INTS8: variants seen among roughly 807,000 people sequenced by gnomAD.
The protein encoded by INTS8 is integrator complex subunit 8.
INTS8 carries 47 observed loss-of-function variants against 138.9 expected under a neutral mutation model. The ratio of observed to expected loss-of-function variants is 0.34; its 90% CI spans 0.27 to 0.43. The LOEUF (loss-of-function observed/expected upper bound fraction) is 0.43. INTS8 is among the 20% of genes least tolerant of loss of function. The probability of loss-of-function intolerance (pLI) is 1.00; values close to 1 mark genes in which losing one functional copy is unlikely to be tolerated. For missense variants in INTS8, 996 were observed against 1,173.0 expected (o/e 0.85, Z 2.20); for synonymous variants, 392 against 400.9 (o/e 0.98, Z 0.27).
At chr8:94,826,781 C>T (rs188890656) in intron 2 of INTS8, among the ~76,000 whole-genome samples, 8 of 152,230 alleles carry the variant, frequency 5.3e-5, no homozygotes, top group East Asian at 1.9e-4. Flanking sequence ...TTATGTTTTA[C>T]GTTTTTTCAT....
At chr8:94,847,487 G>T (rs1376446067) in intron 10 of INTS8, among the ~76,000 whole-genome samples, 1 of 152,042 alleles carries the variant, frequency 6.6e-6, no homozygotes, top group African/African-American at 2.4e-5. Context: ...TTCAGTGTTG[G>T]GTAGAATTTA....
rs1563647104 is a variant in INTS8 at position 94,838,571 on chromosome 8, A to G, written c.970A>G (p.Thr324Ala). The change falls in exon 8 of 27, where the codon ACT (threonine) becomes GCT (alanine). Residue 324 changes from threonine (T) to alanine (A), a missense_variant. Thr to Ala is a moderately conservative substitution (Grantham distance 58, BLOSUM62 0). Coordinates refer to ENST00000523731, the MANE Select transcript of INTS8 (RefSeq NM_017864.4). ...TTCTGATAGTACATCTCAACAGTTG[A>G]CTCCATATAGTCAAGTCCATATTTG... The part of the protein sequence containing the change: ...PSSDSTSQQL[T>A]PYSQVHICLR... 6.2e-7 allele frequency: 1 copy of G among 1,613,488 alleles called. No homozygotes were observed. The highest frequency in any genetic ancestry group is 8.5e-7 in the Non-Finnish European group (1 of 1,179,562).
chr8:94,877,527 C>G (rs753818124), intron 26 of INTS8, among the ~76,000 whole-genome samples: 1 of 152,068 alleles, frequency 6.6e-6, no homozygotes, highest in Non-Finnish European at 1.5e-5. Context: ...ATTTCCAAAC[C>G]ACTTCTACTT....
At chr8:94,867,385 G>A (rs781726832) in intron 20 of INTS8, 48 bp downstream of exon 20, 1 of 1,421,478 alleles carries the variant, frequency 7.0e-7, no homozygotes, top group Non-Finnish European at 9.9e-7. Context: ...TATGTATTTG[G>A]AAACCATTCT....
chr8:94,847,255 T>G (rs1210619626), intron 10 of INTS8, among the ~76,000 whole-genome samples: 1 of 152,094 alleles, frequency 6.6e-6, no homozygotes. Context: ...TTGGCTGGGC[T>G]GGTTTCAAAC....
intron 8 of INTS8, among the ~76,000 whole-genome samples, chr8:94,840,650 C>G (rs962874659): frequency 6.7e-6 from 1 of 149,928 alleles, no homozygotes; most frequent in Non-Finnish European, 1.5e-5. Flanking sequence ...CTCTGCTGCC[C>G]GGGTCCAAGT....
chr8:94,870,732 AG>A (rs1276694022), intron 20 of INTS8, among the ~76,000 whole-genome samples: 1 of 152,232 alleles, frequency 6.6e-6, no homozygotes, highest in Admixed American at 6.5e-5. Flanking sequence ...CTGGTGAGTT[AG>A]GGTAAACTGT....
At chr8:94,879,961 T>C (rs571686631) in intron 26 of INTS8, 157 bp from the exon 27 acceptor site, 2 of 526,694 alleles carry the variant, frequency 3.8e-6, no homozygotes, top group Middle Eastern at 3.4e-4. Flanking sequence ...AATCTTTATG[T>C]TAATTTTTTT....
At chr8:94,846,099 A>G (rs973587750) in intron 10 of INTS8, among the ~76,000 whole-genome samples, 1 of 152,192 alleles carries the variant, frequency 6.6e-6, no homozygotes. Flanking sequence ...GTAGACTTGA[A>G]AATAGTTTAT....
At chr8:94,847,930 C>T (rs762533086) in intron 10 of INTS8, among the ~76,000 whole-genome samples, 1 of 151,658 alleles carries the variant, frequency 6.6e-6, no homozygotes, top group Non-Finnish European at 1.5e-5. Context: ...AATACATACT[C>T]CAAGATGCTC....
At chr8:94,830,333 GA>G (rs1040814304) in intron 5 of INTS8, among the ~76,000 whole-genome samples, 1 of 152,138 alleles carries the variant, frequency 6.6e-6, no homozygotes, top group Non-Finnish European at 1.5e-5. Context: ...GGTGAGGAGA[GA>G]AAAAGGTAAG....
chr8:94,830,607 C>G lies in INTS8; in HGVS notation c.571-1385C>G, dbSNP rs574582070. Among the ~76,000 whole-genome samples, 23 of 151,854 alleles carry G rather than the reference C, an allele frequency of 1.5e-4. 1 individual carries two copies. Among genetic ancestry groups the G allele is most frequent in the African/African-American group, 5.3e-4 (22 of 41,396 alleles). The stretch of plus-strand genomic sequence containing the variant: ...CCACCTCCCAGCCTCAAGCGATCCT[C>G]CCACCTCAGTGTTGCCAGTAGCTGG... On this transcript the variant is annotated intron_variant, in intron 5 of 26. Coordinates refer to ENST00000523731, the MANE Select transcript of INTS8 (RefSeq NM_017864.4).
In INTS8 at chr8:94,870,113, G is replaced by A. The variant is rs909595228; in HGVS notation, c.2415-1771G>A. Among the ~76,000 whole-genome samples, 9 of 151,064 alleles carry A rather than the reference G, an allele frequency of 6.0e-5. No homozygotes were observed. The East Asian group carries it at 9.8e-4, about 16-fold the overall frequency. Reference sequence around the variant, plus strand: ...GTCACCCAGGCTGGAGTGCAGTAGCGCGATCTTGGCTCACTGCAAGCTCTG... The same window carrying A: ...GTCACCCAGGCTGGAGTGCAGTAGCACGATCTTGGCTCACTGCAAGCTCTG... On this transcript the variant is annotated intron_variant, in intron 20 of 26. Transcript: ENST00000523731.
Position 94,881,030 on chromosome 8 carries a change from AG to A in INTS8, c.*798del. Reference sequence around the variant, plus strand: ...ATTAGTTAAAAAATGTGTTATGGCAAGGCAAATAAACTAGTTTAAAAAACAT... The same window carrying A: ...ATTAGTTAAAAAATGTGTTATGGCAAGCAAATAAACTAGTTTAAAAAACAT... On this transcript the variant is annotated 3_prime_UTR_variant, in exon 27 of 27. Transcript: ENST00000523731. 2.5e-6 allele frequency: 1 copy of A among 398,660 alleles called. No individual in the cohort carries two copies. Among genetic ancestry groups the A allele is most frequent in the Non-Finnish European group, 4.4e-6 (1 of 225,800 alleles). 24.7% of individuals were successfully genotyped at this position (398,660 alleles called of 1,614,324 possible). A position where few individuals can be genotyped will look rare whatever the true frequency, so the allele number is the denominator to read the frequency against.
chr8:94,829,385 C>A (rs1385399745), intron 5 of INTS8, among the ~76,000 whole-genome samples: 1 of 151,946 alleles, frequency 6.6e-6, no homozygotes. Flanking sequence ...GAGGACACAA[C>A]ATGGATCCCT....
intron 16 of INTS8, among the ~76,000 whole-genome samples, chr8:94,862,914 C>T (rs545288516): frequency 1.1e-3 from 162 of 152,214 alleles, no homozygotes; most frequent in Admixed American, 3.2e-3. Flanking sequence ...CAGCCATTAT[C>T]TCTAGATAAT....
chr8:94,824,920 A>T lies in INTS8; in HGVS notation c.158A>T (p.Gln53Leu). 5 of 1,612,110 alleles carry T rather than the reference A, an allele frequency of 3.1e-6. No homozygotes were observed. The highest frequency in any genetic ancestry group is 4.2e-6 in the Non-Finnish European group (5 of 1,178,742). Residue 53 changes from glutamine to leucine, a missense_variant, in exon 2 of 27, where the codon CAG becomes CTG. By Grantham distance (113) the Gln-to-Leu change is moderately radical. Transcript: ENST00000523731. ...PDPAPVQLIV[Q>L]FLEQASKPSV... Reference sequence around the variant, plus strand: ...CCTGCACCAGTTCAACTTATAGTTCAGTTTTTGGAACAGGCTTCCAAACCT... The same window carrying T: ...CCTGCACCAGTTCAACTTATAGTTCTGTTTTTGGAACAGGCTTCCAAACCT...
In INTS8 at chr8:94,851,702, A is replaced by G; in HGVS notation, c.1641+16A>G. On this transcript the variant is annotated intron_variant, in intron 13 of 26. Transcript: ENST00000523731. ...GTCTAATAAGGTAAACCCTATGTCA[A>G]GAACAGATAAGAAAATTGCCCTTGT... 1 of 1,556,342 alleles carries G rather than the reference A, an allele frequency of 6.4e-7. No homozygotes were observed. The highest frequency in any genetic ancestry group is 8.6e-7 in the Non-Finnish European group (1 of 1,161,130).
chr8:94,876,345 A>G (rs1816563703), intron 25 of INTS8, 60 bp downstream of exon 25: 2 of 1,441,630 alleles, frequency 1.4e-6, no homozygotes, highest in Admixed American at 3.6e-5. Flanking sequence ...TTAAAGGAAT[A>G]TTTAATATTG....
Sources: gnomAD v4.1 joint callset for allele counts (sites outside exome capture counted in the v4.1 genomes callset) on GRCh38, gnomAD v4.1.1 for gene constraint, MANE v1.5 for transcripts, NCBI Gene and HGNC (gene_info 2026-07-23, HGNC 2026-07-21) for gene names.